The following CLDN14 variants were observed in gnomAD, a reference collection of about 807,000 sequenced individuals.
CLDN14 encodes the protein claudin 14.
CLDN14 carries 2 observed loss-of-function variants against 2.1 expected under a neutral mutation model. The ratio of observed to expected loss-of-function variants is 0.96; its 90% CI spans 0.39 to 3.01. CLDN14 has a LOEUF of 3.01. Ranked by LOEUF, CLDN14 falls within the 30% of genes most tolerant of loss-of-function variation. CLDN14 has a pLI of 0.09. For synonymous variants in CLDN14, 136 were observed against 154.4 expected (o/e 0.88, Z 0.88); for missense variants, 298 against 328.0 (o/e 0.91, Z 0.71).
chr21:36,523,323 A>G (rs1333433930), intron 1 of CLDN14, among the ~76,000 whole-genome samples: 2 of 152,222 alleles, frequency 1.3e-5, no homozygotes, highest in African/African-American at 4.8e-5. Flanking sequence ...ATGTGTGATG[A>G]AAGAAACACT....
chr21:36,555,463 G>T (rs1411572635), intron 1 of CLDN14, among the ~76,000 whole-genome samples: 1 of 152,240 alleles, frequency 6.6e-6, no homozygotes, highest in East Asian at 1.9e-4. Context: ...AAGAAAACAG[G>T]CAGCGTGTTC....
chr21:36,531,557 G>A (rs985640284), intron 1 of CLDN14, among the ~76,000 whole-genome samples: 4 of 152,024 alleles, frequency 2.6e-5, no homozygotes, highest in Admixed American at 6.5e-5. Flanking sequence ...GAGCCACTGC[G>A]CCTGGCCTAT....
intron 1 of CLDN14, among the ~76,000 whole-genome samples, chr21:36,570,007 G>T (rs184321019): frequency 1.3e-5 from 2 of 152,270 alleles, no homozygotes; most frequent in East Asian, 3.9e-4. Context: ...CGGCGGTCAG[G>T]GTACAGCTTG....
intron 2 of CLDN14, among the ~76,000 whole-genome samples, chr21:36,490,664 C>T (rs1334955758): frequency 6.6e-6 from 1 of 151,994 alleles, no homozygotes; most frequent in East Asian, 1.9e-4. Flanking sequence ...GCTGGGATTA[C>T]AGGTGTAAGC....
At chr21:36,503,439 A>G (rs1414034948) in intron 2 of CLDN14, among the ~76,000 whole-genome samples, 3 of 152,200 alleles carry the variant, frequency 2.0e-5, no homozygotes, top group Admixed American at 1.3e-4. Flanking sequence ...TAATTGAATC[A>G]TGGGGCCAGA....
chr21:36,461,620 T>A lies in CLDN14; in HGVS notation c.76A>T (p.Ile26Phe). Reference protein sequence around the residue: ...LGMVGTLITTILPHWRRTAHV... With the variant: ...LGMVGTLITTFLPHWRRTAHV... ...GCTGTCCTCCGCCAGTGCGGCAGGA[T>A]GGTGGTGATCAACGTGCCCACCATG... Residue 26 changes from isoleucine (I) to phenylalanine (F), a missense_variant, in exon 2 of 2, where the codon ATC (isoleucine) becomes TTC (phenylalanine). Coordinates refer to ENST00000399135, the MANE Select transcript of CLDN14 (RefSeq NM_001146079.2). 2 of 1,597,872 alleles carry A rather than the reference T, an allele frequency of 1.3e-6. No individual in the cohort carries two copies.
At chr21:36,508,993 G>T (rs559610125) in intron 2 of CLDN14, among the ~76,000 whole-genome samples, 1 of 152,202 alleles carries the variant, frequency 6.6e-6, no homozygotes, top group East Asian at 1.9e-4. Flanking sequence ...GCTGCTCCCC[G>T]CTGGCCCTTT....
chr21:36,486,582 G>C (rs757509246), intron 2 of CLDN14: 20 of 1,554,184 alleles, frequency 1.3e-5, no homozygotes, highest in Non-Finnish European at 1.8e-5. Context: ...GGCCCAGGAG[G>C]CACTGCCACC....
chr21:36,559,443 C>T (rs2087620019), intron 1 of CLDN14, among the ~76,000 whole-genome samples: 1 of 152,176 alleles, frequency 6.6e-6, no homozygotes, highest in Non-Finnish European at 1.5e-5. Context: ...GTGACCCGCC[C>T]ACCTTGGCCC....
chr21:36,482,183 C>T (rs894567970), upstream of CLDN14, among the ~76,000 whole-genome samples: 5 of 152,230 alleles, frequency 3.3e-5, no homozygotes, highest in African/African-American at 1.2e-4. Context: ...AATAGTAAAA[C>T]TTCGAATGCC....
At chr21:36,541,680 G>T (rs890745968) in intron 1 of CLDN14, among the ~76,000 whole-genome samples, 11 of 152,116 alleles carry the variant, frequency 7.2e-5, no homozygotes, top group African/African-American at 2.7e-4. Flanking sequence ...AAATACAAAA[G>T]ATTTCTGTAT....
intron 1 of CLDN14, among the ~76,000 whole-genome samples, chr21:36,511,440 C>G (rs933247994): frequency 6.6e-6 from 1 of 152,182 alleles, no homozygotes; most frequent in Non-Finnish European, 1.5e-5. Context: ...GTCTTAGTAA[C>G]AGGGACCAGA....
At chr21:36,480,506 G>T (rs1038768556), upstream of CLDN14, 1 of 152,186 alleles carries the variant, frequency 6.6e-6, no homozygotes, top group Non-Finnish European at 1.5e-5. Flanking sequence ...AACGCCTCCA[G>T]CCCTTTGAGG....
intron 1 of CLDN14, among the ~76,000 whole-genome samples, chr21:36,541,773 G>A (rs541606611): frequency 2.0e-5 from 3 of 152,234 alleles, no homozygotes; most frequent in Admixed American, 2.0e-4. Context: ...CTGTAGCAAG[G>A]GAATACTTTG....
At chr21:36,516,583 C>G (rs970603474) in intron 1 of CLDN14, among the ~76,000 whole-genome samples, 8 of 152,164 alleles carry the variant, frequency 5.3e-5, no homozygotes, top group African/African-American at 1.9e-4. Context: ...TAAAATTTTA[C>G]CAACAAAGTA....
chr21:36,557,159 T>C (rs994634550), intron 1 of CLDN14, among the ~76,000 whole-genome samples: 3 of 152,256 alleles, frequency 2.0e-5, no homozygotes, highest in African/African-American at 4.8e-5. Context: ...TTCCATTGTA[T>C]GTATATACAT....
At chr21:36,497,525 A>G (rs2087048765) in intron 2 of CLDN14, among the ~76,000 whole-genome samples, 1 of 151,496 alleles carries the variant, frequency 6.6e-6, no homozygotes, top group African/African-American at 2.4e-5. Context: ...GATCTTTCAT[A>G]TCTCCAATAA....
At chr21:36,534,128 T>G (rs1427934850) in intron 1 of CLDN14, among the ~76,000 whole-genome samples, 2 of 151,548 alleles carry the variant, frequency 1.3e-5, no homozygotes, top group African/African-American at 4.9e-5. Flanking sequence ...TGAGACAGAG[T>G]TTCACTCTTG....
chr21:36,519,733 C>CAAAAAA (rs33915345), intron 1 of CLDN14, among the ~76,000 whole-genome samples: 3 of 150,666 alleles, frequency 2.0e-5, no homozygotes, highest in Non-Finnish European at 4.4e-5. Flanking sequence ...ACAACAACAA[C>CAAAAAA]AAAACCCCAA....
Sources: gnomAD v4.1 joint callset for allele counts (sites outside exome capture counted in the v4.1 genomes callset) on GRCh38, gnomAD v4.1.1 for gene constraint, MANE v1.5 for transcripts, NCBI Gene and HGNC (gene_info 2026-07-23, HGNC 2026-07-21) for gene names.